TMEM164: variants seen among roughly 807,000 people sequenced by gnomAD.
TMEM164 encodes the protein transmembrane protein 164.
TMEM164 carries 4 observed loss-of-function variants against 18.8 expected under a neutral mutation model. That is an observed-to-expected ratio of 0.21 (90% CI 0.10 to 0.49). The LOEUF (loss-of-function observed/expected upper bound fraction) is 0.49. Ranked by LOEUF, TMEM164 falls within the 20% of genes least tolerant of loss-of-function variation. TMEM164 has a pLI of 0.98. For missense variants in TMEM164, 108 were observed against 239.9 expected, an observed-to-expected ratio of 0.45 and a Z score of 3.63; for synonymous variants, 86 against 101.7, an observed-to-expected ratio of 0.85 and a Z score of 0.93.
Position 110,067,385 on chromosome X carries a change from C to G in TMEM164, c.429C>G (p.Ile143Met). Reference protein sequence around the residue: ...LLACPPCRGAIVVFKLQMHML... With the variant: ...LLACPPCRGAMVVFKLQMHML... ...CCTGCCCTCCATGTCGGGGAGCTAT[C>G]GTCGTCTTCAAGTAAGAGAAAATTG... The change falls in exon 3 of 7, where the codon ATC (isoleucine) becomes ATG (methionine). Residue 143 changes from isoleucine to methionine, a missense_variant. Transcript: ENST00000372068. The G allele has an allele frequency of 8.3e-7, 1 of 1,210,912 alleles. No individual in the cohort carries two copies. The highest frequency in any genetic ancestry group is 1.1e-6 in the Non-Finnish European group (1 of 894,920).
intron 2 of TMEM164, among the ~76,000 whole-genome samples, chrX:110,042,990 C>A (rs1935160821): frequency 8.9e-6 from 1 of 112,450 alleles, no homozygotes; most frequent in African/African-American, 3.2e-5. Context: ...CAGATGTTAA[C>A]AATGGTGTGT....
rs928296958 is a variant in TMEM164, at chrX:110,174,606, G to A, written c.*1155G>A. 2.7e-4 allele frequency: 30 copies of A among 110,507 alleles called. No homozygotes were observed. Among genetic ancestry groups the A allele is most frequent in the African/African-American group, 9.3e-4 (28 of 30,196 alleles). The allele number at this position is 110,507 out of a possible 1,213,427, so 9.1% of individuals were successfully genotyped here. ...AATTGTTTAATGTGGGGGACATCAC[G>A]TCCTCCTCATCCTGTCTACCCCCAA... is the stretch of plus-strand genomic sequence containing the variant. On this transcript the variant is annotated 3_prime_UTR_variant, in exon 7 of 7. Transcript: ENST00000372068.
chrX:110,003,914 C>T lies in TMEM164; in HGVS notation c.140C>T (p.Thr47Ile). ...CTGCTGGAAAGTGTGGTGGTCCTGA[C>T]CCTGGCTCTGTTGGAGATCCTGGTG... ...QRLLESVVVLTLALLEILVAL... is the reference protein window; with the variant it reads ...QRLLESVVVLILALLEILVAL... Residue 47 changes from threonine to isoleucine, a missense_variant, in exon 2 of 7, where the codon ACC becomes ATC. By Grantham distance (89) the Thr-to-Ile change is moderately conservative. Transcript: ENST00000372068. 8.3e-7 allele frequency: 1 copy of T among 1,211,708 alleles called. No homozygotes were observed. The highest frequency in any genetic ancestry group is 1.1e-6 in the Non-Finnish European group (1 of 895,481).
At chrX:110,091,650 G>C (rs1044087108) in intron 3 of TMEM164, among the ~76,000 whole-genome samples, 3 of 111,925 alleles carry the variant, frequency 2.7e-5, no homozygotes, top group South Asian at 3.7e-4. Flanking sequence ...TTCTCCCATT[G>C]TGTAGGTTGC....
intron 2 of TMEM164, among the ~76,000 whole-genome samples, chrX:110,041,939 A>T (rs1020644555): frequency 1.8e-5 from 2 of 111,515 alleles, no homozygotes; most frequent in Non-Finnish European, 3.8e-5. Flanking sequence ...CTGAGATGTA[A>T]TTCATATACC....
intron 4 of TMEM164, among the ~76,000 whole-genome samples, chrX:110,139,423 C>G (rs1165688641): frequency 9.0e-6 from 1 of 111,235 alleles, no homozygotes; most frequent in African/African-American, 3.3e-5. Flanking sequence ...AAACCATTTC[C>G]TCAGCTGAGA....
At chrX:110,126,546 C>A (rs779905701) in intron 4 of TMEM164, among the ~76,000 whole-genome samples, 5 of 112,112 alleles carry the variant, frequency 4.5e-5, no homozygotes, top group Non-Finnish European at 7.5e-5. Context: ...GGAGCACAAA[C>A]AATGGAAACA....
At chrX:110,107,293 T>C (rs1445735847) in intron 3 of TMEM164, among the ~76,000 whole-genome samples, 4 of 111,949 alleles carry the variant, frequency 3.6e-5, no homozygotes, top group Non-Finnish European at 7.5e-5. Context: ...TTATGTGTGG[T>C]GTTGACCAGA....
chrX:110,053,636 A>G (rs1935675752), intron 2 of TMEM164, among the ~76,000 whole-genome samples: 1 of 111,845 alleles, frequency 8.9e-6, no homozygotes, highest in African/African-American at 3.3e-5. Context: ...ACTCTGACAC[A>G]ATTGGTCCTC....
chrX:110,105,735 G>A (rs12839120), intron 3 of TMEM164, among the ~76,000 whole-genome samples: 2 of 81,341 alleles, frequency 2.5e-5, no homozygotes, highest in South Asian at 1.4e-3. Context: ...CACACACAGA[G>A]AGAGAGAGAG....
At chrX:110,139,777 G>A (rs951083554) in intron 4 of TMEM164, among the ~76,000 whole-genome samples, 1 of 111,091 alleles carries the variant, frequency 9.0e-6, no homozygotes, top group African/African-American at 3.3e-5. Flanking sequence ...GAGCATAGAA[G>A]TGAGGACATG....
At chrX:110,009,819 C>G (rs1403185032) in intron 2 of TMEM164, among the ~76,000 whole-genome samples, 1 of 110,214 alleles carries the variant, frequency 9.1e-6, no homozygotes, top group Admixed American at 9.7e-5. Flanking sequence ...CGGTGAAACC[C>G]TCTCTCTACT....
chrX:110,020,275 C>T, intron 2 of TMEM164: 1 of 563,485 alleles, frequency 1.8e-6, no homozygotes, highest in African/African-American at 2.5e-5. Flanking sequence ...TAGTCCAATC[C>T]CTTTGTTTTC....
intron 5 of TMEM164, among the ~76,000 whole-genome samples, chrX:110,163,365 A>G (rs1055126891): frequency 8.9e-6 from 1 of 112,517 alleles, no homozygotes; most frequent in Admixed American, 9.4e-5. Context: ...TTAACCCAGT[A>G]TATCCAGTAT....
At chrX:110,017,542 CCTTCCTTCCTTCCTTCCTTT>C (rs1933530026) in intron 2 of TMEM164, among the ~76,000 whole-genome samples, 2 of 50,122 alleles carry the variant, frequency 4.0e-5, no homozygotes, top group African/African-American at 9.2e-5. Flanking sequence ...TTCCTTCCTT[CCTTCCTTCCTTCCTTCCTTT>C]CTTTCTTTCA....
intron 3 of TMEM164, among the ~76,000 whole-genome samples, chrX:110,079,590 G>C (rs1357270373): frequency 9.0e-6 from 1 of 111,467 alleles, no homozygotes; most frequent in Admixed American, 9.5e-5. Context: ...AGCTGATCTG[G>C]GTGCAATTTT....
At chrX:110,050,849 G>A (rs372388597) in intron 2 of TMEM164, among the ~76,000 whole-genome samples, 7 of 112,352 alleles carry the variant, frequency 6.2e-5, no homozygotes, top group African/African-American at 2.3e-4. Flanking sequence ...GGGTTTAATT[G>A]CTAATTCAGG....
At chrX:110,090,473 T>C (rs2065909969) in intron 3 of TMEM164, among the ~76,000 whole-genome samples, 1 of 109,722 alleles carries the variant, frequency 9.1e-6, no homozygotes, top group Admixed American at 9.8e-5. Flanking sequence ...ACTCGGCTAA[T>C]TTTTTGTATT....
intron 4 of TMEM164, among the ~76,000 whole-genome samples, chrX:110,132,974 T>TA (rs2066633471): frequency 1.8e-5 from 2 of 111,903 alleles, no homozygotes; most frequent in African/African-American, 6.5e-5. Context: ...CTGGGTGGCT[T>TA]AAAAAACAGA....
Sources: gnomAD v4.1 joint callset for allele counts (sites outside exome capture counted in the v4.1 genomes callset) on GRCh38, gnomAD v4.1.1 for gene constraint, MANE v1.5 for transcripts, NCBI Gene and HGNC (gene_info 2026-07-23, HGNC 2026-07-21) for gene names.